The following DENND4C variants were observed in gnomAD, a reference collection of about 807,000 sequenced individuals.
DENND4C encodes DENN domain containing 4C.
DENND4C carries 108 observed loss-of-function variants against 203.0 expected under a neutral mutation model. The ratio of observed to expected loss-of-function variants is 0.53; its 90% CI spans 0.46 to 0.62. DENND4C has a LOEUF of 0.62. DENND4C is among the 20% of genes least tolerant of loss of function. DENND4C has a pLI of 0.00. For synonymous variants in DENND4C, 871 were observed against 792.4 expected (o/e 1.10, Z -1.67); for missense variants, 2,481 against 2,301.2 (o/e 1.08, Z -1.60).
intron 30 of DENND4C, among the ~76,000 whole-genome samples, chr9:19,369,595 T>C (rs1828364533): frequency 6.6e-6 from 1 of 151,866 alleles, no homozygotes; most frequent in Non-Finnish European, 1.5e-5. Context: ...GGTGAGACCC[T>C]ATCTCTACAA....
At chr9:19,263,916 T>C (rs1363600414) in intron 1 of DENND4C, among the ~76,000 whole-genome samples, 2 of 152,146 alleles carry the variant, frequency 1.3e-5, no homozygotes, top group Non-Finnish European at 2.9e-5. Flanking sequence ...CGCCTTGGCC[T>C]CCCAAAGTGC....
At position 19,373,709 on chromosome 9, in the gene DENND4C, C is replaced by T. The variant is rs1196192376; in HGVS notation, c.*1536C>T. Among the ~76,000 whole-genome samples, 4 of 152,162 alleles carry T rather than the reference C, an allele frequency of 2.6e-5. No homozygotes were observed. Among genetic ancestry groups the T allele is most frequent in the African/African-American group, 9.7e-5 (4 of 41,436 alleles). ...GGAACAGTAAGTTTGCCTTAACTCT[C>T]TGCATGGTTTAAAAAGCCATTGGTT... On this transcript the variant is annotated 3_prime_UTR_variant, in exon 33 of 33. Coordinates refer to ENST00000434457, the MANE Select transcript of DENND4C (RefSeq NM_001330640.2).
rs772550149 is a variant in DENND4C at position 19,358,177 on chromosome 9, A to T, written c.5160+17A>T. On this transcript the variant is annotated intron_variant, in intron 28 of 32. Transcript: ENST00000434457. The surrounding 1 kb of genome is among the most constrained non-coding windows in gnomAD (Gnocchi z 4.8). ...GAAGTTGTGGTATGTAACAACAACA[A>T]CATTGTAATTATACTGCATACACAC... 3.7e-6 allele frequency: 6 copies of T among 1,600,688 alleles called. No homozygotes were observed. Among genetic ancestry groups the T allele is most frequent in the South Asian group, 1.1e-5 (1 of 90,464 alleles).
At chr9:19,268,355 C>G (rs1387604086) in intron 1 of DENND4C, among the ~76,000 whole-genome samples, 1 of 152,148 alleles carries the variant, frequency 6.6e-6, no homozygotes, top group Non-Finnish European at 1.5e-5. Flanking sequence ...CTACCCCCAC[C>G]TCCCAGAGTT....
intron 2 of DENND4C, among the ~76,000 whole-genome samples, chr9:19,278,063 G>A (rs1475333767): frequency 7.4e-6 from 1 of 135,688 alleles, no homozygotes; most frequent in East Asian, 2.1e-4. Context: ...AATTCATGAA[G>A]CCTTTTTTTT....
At chr9:19,349,065 C>T (rs1373009437) in intron 23 of DENND4C, among the ~76,000 whole-genome samples, 1 of 152,150 alleles carries the variant, frequency 6.6e-6, no homozygotes, top group Admixed American at 6.5e-5. Flanking sequence ...TCCCAAAGTG[C>T]TGGGATTACA....
At chr9:19,354,071 C>G (rs13295179) in intron 26 of DENND4C, among the ~76,000 whole-genome samples, 3 of 152,066 alleles carry the variant, frequency 2.0e-5, no homozygotes, top group African/African-American at 7.3e-5. Flanking sequence ...TACGAAGACA[C>G]TGACTCTGCT....
intron 18 of DENND4C, 80 bp from the exon 19 acceptor site, chr9:19,336,190 T>C (rs1820428404): frequency 1.7e-6 from 2 of 1,204,626 alleles, no homozygotes; most frequent in Non-Finnish European, 1.1e-6. Flanking sequence ...TATATAAACA[T>C]ACACACACAC....
At chr9:19,283,121 C>T (rs1237229215) in intron 2 of DENND4C, among the ~76,000 whole-genome samples, 1 of 151,896 alleles carries the variant, frequency 6.6e-6, no homozygotes, top group East Asian at 1.9e-4. Context: ...TGCATTGGCC[C>T]CTTAAAGTGC....
At chr9:19,267,221 C>A (rs2130768237) in intron 1 of DENND4C, among the ~76,000 whole-genome samples, 1 of 152,304 alleles carries the variant, frequency 6.6e-6, no homozygotes, top group East Asian at 1.9e-4. Flanking sequence ...AAGTTTCCAG[C>A]AATTACTGTG....
intron 10 of DENND4C, among the ~76,000 whole-genome samples, chr9:19,315,706 G>GT (rs908427974): frequency 4.0e-4 from 58 of 144,062 alleles, no homozygotes; most frequent in Admixed American, 6.3e-4. Context: ...TGGCTTTGGG[G>GT]TTTTTTTTTT....
intron 20 of DENND4C, chr9:19,337,551 C>A: frequency 9.1e-7 from 1 of 1,101,580 alleles, no homozygotes; most frequent in Non-Finnish European, 1.1e-6. Flanking sequence ...TTGCTCTGTG[C>A]TGTTTCTTGG....
chr9:19,360,379 C>T lies in DENND4C; in HGVS notation c.5296C>T (p.Gln1766Ter). 4 of 1,614,104 alleles carry T rather than the reference C, an allele frequency of 2.5e-6. No homozygotes were observed. Among genetic ancestry groups the T allele is most frequent in the Non-Finnish European group, 3.4e-6 (4 of 1,179,986 alleles). ...QVIHTSSFIN[Q>*]HPIIFWNLVW... ...GATTCATACATCTTCTTTCATCAATCAACATCCAATCATTTTCTGGAACCT... is the reference window on the plus strand; with the variant it reads ...GATTCATACATCTTCTTTCATCAATTAACATCCAATCATTTTCTGGAACCT... Residue 1766 changes from glutamine (Q) to a stop codon, truncating the protein, a stop_gained, in exon 29 of 33, where the codon CAA becomes TAA. Transcript: ENST00000434457. LOFTEE classifies it high-confidence loss of function.
At position 19,346,676 on chromosome 9, in the gene DENND4C, G is replaced by A. The variant is rs1822967998; in HGVS notation, c.3907G>A (p.Glu1303Lys). 4 of 1,614,014 alleles carry A rather than the reference G, an allele frequency of 2.5e-6. No homozygotes were observed. The African/African-American group carries it at 5.3e-5, about 22-fold the overall frequency. Residue 1303 changes from glutamate (E) to lysine (K), a missense_variant, in exon 23 of 33, where the codon GAA becomes AAA. Physicochemically the swap from Glu to Lys is moderately conservative, Grantham distance 56. Coordinates refer to ENST00000434457, the MANE Select transcript of DENND4C (RefSeq NM_001330640.2). ...SPLGSKSSSM[E>K]LHREENRESG... The stretch of plus-strand genomic sequence containing the variant: ...CCTAGGTAGTAAATCTTCTAGTATG[G>A]AATTACACAGAGAGGAAAACAGAGA...
At chr9:19,307,158 G>A (rs1311889160) in intron 10 of DENND4C, among the ~76,000 whole-genome samples, 2 of 151,950 alleles carry the variant, frequency 1.3e-5, no homozygotes, top group Non-Finnish European at 2.9e-5. Context: ...AGTACTTTCG[G>A]AGGCTGAGGC....
intron 1 of DENND4C, among the ~76,000 whole-genome samples, chr9:19,261,111 A>C (rs563288866): frequency 2.6e-5 from 4 of 152,222 alleles, no homozygotes; most frequent in African/African-American, 9.6e-5. Context: ...TATTTGTTAA[A>C]GAGACTGTCC....
At chr9:19,279,983 A>C (rs527941198) in intron 2 of DENND4C, among the ~76,000 whole-genome samples, 19 of 151,634 alleles carry the variant, frequency 1.3e-4, no homozygotes, top group African/African-American at 4.6e-4. Flanking sequence ...GAAGGAAGAA[A>C]TCAGTGGAGA....
At chr9:19,340,877 T>C in intron 20 of DENND4C, 115 bp from the exon 21 acceptor site, 2 of 891,186 alleles carry the variant, frequency 2.2e-6, no homozygotes, top group Non-Finnish European at 3.1e-6. Context: ...TGCTTTCTTG[T>C]CTTCCTTTTG....
At chr9:19,330,389 G>A (rs576368986) in intron 16 of DENND4C, among the ~76,000 whole-genome samples, 1 of 140,466 alleles carries the variant, frequency 7.1e-6, no homozygotes, top group Non-Finnish European at 1.5e-5. Flanking sequence ...ATCCAGGCTG[G>A]AGTGCAGTGG....
Sources: gnomAD v4.1 joint callset for allele counts (sites outside exome capture counted in the v4.1 genomes callset) on GRCh38, gnomAD v4.1.1 for gene constraint, Gnocchi (gnomAD v3.1) non-coding constraint, MANE v1.5 for transcripts, NCBI Gene and HGNC (gene_info 2026-07-23, HGNC 2026-07-21) for gene names.